Variants in KIAA1217 observed in about 807,000 individuals in gnomAD.
KIAA1217 encodes the protein sickle tail protein homolog.
In KIAA1217, 88 loss-of-function variants were observed where a neutral mutation model predicts 163.9. The observed-to-expected ratio is 0.54, with a 90% CI of 0.45 to 0.64. The LOEUF (loss-of-function observed/expected upper bound fraction) is 0.64. Among genes scored for constraint, KIAA1217 ranks in the 30% least tolerant of loss-of-function variants. KIAA1217 has a pLI of 0.00. For synonymous variants in KIAA1217, 903 were observed against 923.1 expected (o/e 0.98, Z 0.39); for missense variants, 2,372 against 2,475.0 (o/e 0.96, Z 0.88).
intron 1 of KIAA1217, among the ~76,000 whole-genome samples, chr10:23,868,487 T>G (rs185176938): frequency 1.7e-3 from 252 of 152,178 alleles, no homozygotes; most frequent in Non-Finnish European, 3.0e-3. Context: ...ATGGAGATGT[T>G]TTTTTTTGTC....
chr10:23,890,711 T>C (rs73604428), intron 1 of KIAA1217, among the ~76,000 whole-genome samples: 3,895 of 152,076 alleles, frequency 0.026, 170 homozygotes, highest in African/African-American at 0.088. Context: ...GAAACAAATA[T>C]GTATTATGAG....
chr10:24,216,443 C>T (rs971582176), intron 1 of KIAA1217, among the ~76,000 whole-genome samples: 7 of 152,162 alleles, frequency 4.6e-5, no homozygotes, highest in African/African-American at 1.7e-4. Context: ...TTTCCAGAGG[C>T]TCAATCCTGT....
chr10:24,295,536 G>A (rs1182121887), intron 2 of KIAA1217, among the ~76,000 whole-genome samples: 1 of 152,040 alleles, frequency 6.6e-6, no homozygotes, highest in African/African-American at 2.4e-5. Context: ...CCACTGCTCT[G>A]AGGACAGTTG....
At chr10:24,492,022 A>G (rs1046095222) in intron 6 of KIAA1217, among the ~76,000 whole-genome samples, 2 of 151,902 alleles carry the variant, frequency 1.3e-5, no homozygotes, top group Non-Finnish European at 2.9e-5. Flanking sequence ...CCCTGAATGC[A>G]CCTCTGCTCT....
chr10:24,535,932 A>AT (rs534426363), intron 16 of KIAA1217, among the ~76,000 whole-genome samples: 80 of 149,748 alleles, frequency 5.3e-4, no homozygotes, highest in African/African-American at 1.4e-3. Context: ...GAACAACAGT[A>AT]TTTTTTTTTT....
intron 1 of KIAA1217, among the ~76,000 whole-genome samples, chr10:23,873,413 C>T (rs1840550438): frequency 1.3e-5 from 2 of 151,912 alleles, no homozygotes; most frequent in Non-Finnish European, 2.9e-5. Context: ...TGTGGACTAC[C>T]TCTTCCATGA....
rs117957048 is a variant in KIAA1217 at position 24,218,133 on chromosome 10, A to G, written c.71-1493A>G. On this transcript the variant is annotated intron_variant, in intron 1 of 20. Transcript: ENST00000376454. ...TGAAGAGAGCCTGTCTAACTCCTGA[A>G]GTGCTTCTGAATGTTTTACTTTTTC... Among the ~76,000 whole-genome samples the G allele has an allele frequency of 3.8e-3, 573 of 152,294 alleles. 15 individuals carry two copies. In the East Asian group the frequency reaches 0.063, roughly 17 times the overall value.
At chr10:23,880,302 A>G (rs539225509) in intron 1 of KIAA1217, among the ~76,000 whole-genome samples, 1 of 152,092 alleles carries the variant, frequency 6.6e-6, no homozygotes, top group South Asian at 2.1e-4. Flanking sequence ...TTGCAACAAC[A>G]TGGATGGAAC....
intron 1 of KIAA1217, among the ~76,000 whole-genome samples, chr10:23,787,936 T>C (rs1835568093): frequency 6.6e-6 from 1 of 152,154 alleles, no homozygotes; most frequent in Non-Finnish European, 1.5e-5. Flanking sequence ...GGCTCACACC[T>C]ATAATCCCAG....
chr10:23,837,291 T>A (rs1336205577), intron 1 of KIAA1217, among the ~76,000 whole-genome samples: 1 of 152,198 alleles, frequency 6.6e-6, no homozygotes, highest in Admixed American at 6.5e-5. Context: ...AGCAAAGTAA[T>A]ATGCCCAATT....
intron 2 of KIAA1217, among the ~76,000 whole-genome samples, chr10:24,060,643 T>G (rs188897459): frequency 3.1e-4 from 47 of 152,174 alleles, no homozygotes; most frequent in African/African-American, 1.1e-3. Context: ...AAAAAATTTT[T>G]TTATGAGATG....
At chr10:23,764,712 C>T (rs1490640524) in intron 1 of KIAA1217, among the ~76,000 whole-genome samples, 3 of 152,010 alleles carry the variant, frequency 2.0e-5, no homozygotes, top group African/African-American at 7.3e-5. Context: ...CCAAACACCA[C>T]ATGTACTCAC....
intron 2 of KIAA1217, among the ~76,000 whole-genome samples, chr10:24,105,058 AGAT>A (rs71869676): frequency 0.094 from 14,168 of 151,034 alleles, 688 homozygotes; most frequent in Middle Eastern, 0.11. Context: ...TCCCACTGCA[AGAT>A]GATGATGATG....
At chr10:23,873,989 G>A (rs980744814) in intron 1 of KIAA1217, among the ~76,000 whole-genome samples, 7 of 152,016 alleles carry the variant, frequency 4.6e-5, no homozygotes, top group African/African-American at 1.7e-4. Flanking sequence ...TGTGTCTAAT[G>A]TATCCTTTGC....
At chr10:23,694,950 G>A (rs1168315547) in exon 1 of KIAA1217, 1 of 152,260 alleles carries the variant, frequency 6.6e-6, no homozygotes, top group Admixed American at 6.5e-5. Flanking sequence ...ACTGCAAGTC[G>A]GGCAGAAACG....
chr10:24,435,472 G>A (rs1591910614), intron 4 of KIAA1217, among the ~76,000 whole-genome samples: 3 of 152,342 alleles, frequency 2.0e-5, no homozygotes, highest in African/African-American at 7.2e-5. Context: ...GCAATTAGAG[G>A]AATTGAAGGA....
At position 23,695,604 on chromosome 10, in the gene KIAA1217, G is replaced by A. The variant is rs1376274142; in HGVS notation, c.-321+370G>A. Among the ~76,000 whole-genome samples the A allele has an allele frequency of 1.3e-5, 2 of 152,180 alleles. No individual in the cohort carries two copies. The highest frequency in any genetic ancestry group is 2.4e-5 in the African/African-American group (1 of 41,458). On this transcript the variant is annotated intron_variant, in intron 1 of 18. Transcript: ENST00000376462. This position sits in a 1 kb window ranked among gnomAD's most constrained non-coding sequence, Gnocchi z 4.9. ...TGGCGAGCCAGGGGCTTATATAGGT[G>A]CGACTAGGATGTTGCCTCGTTTTTC...
intron 5 of KIAA1217, among the ~76,000 whole-genome samples, chr10:24,440,703 C>A (rs996568561): frequency 4.6e-5 from 7 of 152,196 alleles, no homozygotes; most frequent in African/African-American, 1.7e-4. Flanking sequence ...ACTTTAAGCC[C>A]TCATTTTGTG....
intron 2 of KIAA1217, among the ~76,000 whole-genome samples, chr10:24,318,161 A>C (rs574246487): frequency 3.3e-5 from 5 of 152,334 alleles, no homozygotes; most frequent in South Asian, 4.1e-4. Flanking sequence ...ATAGATAATT[A>C]GATAGAGATA....
Sources: gnomAD v4.1 joint callset for allele counts (sites outside exome capture counted in the v4.1 genomes callset) on GRCh38, gnomAD v4.1.1 for gene constraint, Gnocchi (gnomAD v3.1) non-coding constraint, MANE v1.5 for transcripts, NCBI Gene and HGNC (gene_info 2026-07-23, HGNC 2026-07-21) for gene names.